DTNB: variants seen among roughly 807,000 people sequenced by gnomAD.
The protein encoded by DTNB is DTN-B.
Under a neutral mutation model 90.7 loss-of-function variants are expected in DTNB, and 63 were observed. That is an observed-to-expected ratio of 0.69 (90% CI 0.57 to 0.86). The LOEUF (loss-of-function observed/expected upper bound fraction) is 0.86. Among genes scored for constraint, DTNB ranks in the 40% least tolerant of loss-of-function variants. DTNB has a pLI of 0.00. For missense variants in DTNB, 744 were observed against 807.1 expected (o/e 0.92, Z 0.95); for synonymous variants, 277 against 286.7 (o/e 0.97, Z 0.34).
chr2:25,625,133 G>A (rs1444673391), intron 4 of DTNB, among the ~76,000 whole-genome samples: 7 of 152,178 alleles, frequency 4.6e-5, no homozygotes, highest in African/African-American at 1.4e-4. Flanking sequence ...TTGGAGGTGA[G>A]AGAAGATTAA....
chr2:25,603,407 C>A (rs879286625), intron 5 of DTNB, among the ~76,000 whole-genome samples: 2 of 152,148 alleles, frequency 1.3e-5, no homozygotes, highest in Non-Finnish European at 2.9e-5. Flanking sequence ...AAAGTTACCT[C>A]CGAATCTAGG....
chr2:25,575,409 C>T (rs1009020013), intron 8 of DTNB, among the ~76,000 whole-genome samples: 1 of 151,760 alleles, frequency 6.6e-6, no homozygotes, highest in African/African-American at 2.4e-5. Context: ...TTAAAAGTGG[C>T]TCTTCACAAC....
intron 20 of DTNB, among the ~76,000 whole-genome samples, chr2:25,378,674 A>G (rs1274563991): frequency 6.6e-6 from 1 of 152,182 alleles, no homozygotes; most frequent in Non-Finnish European, 1.5e-5. Flanking sequence ...GAGCTGGAAA[A>G]TGGGAATGAC....
intron 1 of DTNB, among the ~76,000 whole-genome samples, chr2:25,658,550 C>T (rs143101616): frequency 7.4e-4 from 112 of 152,250 alleles, no homozygotes; most frequent in African/African-American, 2.5e-3. Flanking sequence ...CATAAATAAA[C>T]TGCAATACTT....
At chr2:25,638,929 T>A (rs909443441) in intron 3 of DTNB, 85 bp downstream of exon 3, 16 of 1,306,662 alleles carry the variant, frequency 1.2e-5, no homozygotes, top group Non-Finnish European at 1.6e-5. Flanking sequence ...CAATTAACAT[T>A]ACAATACAAC....
chr2:25,432,206 TACACACACACACACACACACAC>T (rs60610400), intron 14 of DTNB, among the ~76,000 whole-genome samples: 4 of 146,320 alleles, frequency 2.7e-5, no homozygotes, highest in South Asian at 2.2e-4. Context: ...GAAGAGTGCG[TACACACACACACACACACACAC>T]ACACACACAC....
intron 3 of DTNB, 46 bp downstream of exon 3, chr2:25,638,968 T>G (rs765401852): frequency 1.4e-6 from 2 of 1,479,544 alleles, no homozygotes; most frequent in East Asian, 4.8e-5. Flanking sequence ...TTTCTAATAT[T>G]GAGAACTCTA....
chr2:25,433,109 T>C, intron 13 of DTNB, 110 bp from the exon 14 acceptor site: 1 of 1,074,296 alleles, frequency 9.3e-7, no homozygotes, highest in Non-Finnish European at 1.3e-6. Flanking sequence ...ACCAATCTTG[T>C]TTTGATTGCT....
chr2:25,451,643 G>C lies in DTNB; in HGVS notation c.1170-8C>G, dbSNP rs1459184761. Reference sequence around the variant, plus strand: ...CTAGGACTGTCCAGAACACTGCCAAGGAAATAAAAATGCAACAAGTGTCTA... The same window carrying C: ...CTAGGACTGTCCAGAACACTGCCAACGAAATAAAAATGCAACAAGTGTCTA... On this transcript the variant is annotated splice_region_variant and splice_polypyrimidine_tract_variant and intron_variant, in intron 11 of 20. Transcript: ENST00000406818. 1.3e-6 allele frequency: 2 copies of C among 1,570,266 alleles called. No homozygotes were observed.
intron 13 of DTNB, among the ~76,000 whole-genome samples, chr2:25,433,522 A>AT (rs560980051): frequency 3.4e-3 from 484 of 143,134 alleles, no homozygotes; most frequent in East Asian, 0.015. Context: ...AATGGCATTA[A>AT]TTTTTTTTTT....
At chr2:25,476,185 C>T (rs1188994492) in intron 10 of DTNB, among the ~76,000 whole-genome samples, 1 of 151,886 alleles carries the variant, frequency 6.6e-6, no homozygotes, top group African/African-American at 2.4e-5. Context: ...TCTCCTGCCT[C>T]AGCCTCCCAA....
intron 9 of DTNB, among the ~76,000 whole-genome samples, chr2:25,502,302 A>T (rs1239019885): frequency 6.6e-6 from 1 of 152,230 alleles, no homozygotes; most frequent in African/African-American, 2.4e-5. Flanking sequence ...CATCAGCAAA[A>T]CTGATTATAA....
At chr2:25,510,572 A>G (rs1367425472) in intron 9 of DTNB, among the ~76,000 whole-genome samples, 1 of 150,996 alleles carries the variant, frequency 6.6e-6, no homozygotes, top group African/African-American at 2.4e-5. Flanking sequence ...CAGTGATGCG[A>G]TCTCGGCTCA....
At chr2:25,672,057 A>T (rs1161590445) in intron 1 of DTNB, among the ~76,000 whole-genome samples, 1 of 152,088 alleles carries the variant, frequency 6.6e-6, no homozygotes, top group African/African-American at 2.4e-5. Context: ...GGATGATCTC[A>T]AGCAACAGGC....
chr2:25,443,644 G>A (rs1176156382), intron 12 of DTNB, among the ~76,000 whole-genome samples: 1 of 152,190 alleles, frequency 6.6e-6, no homozygotes, highest in East Asian at 1.9e-4. Flanking sequence ...TACCCAGAGG[G>A]CTGTGGATTG....
At chr2:25,432,203 GCGTA>G (rs2149948935) in intron 14 of DTNB, among the ~76,000 whole-genome samples, 2 of 100,692 alleles carry the variant, frequency 2.0e-5, no homozygotes, top group East Asian at 7.4e-4. Flanking sequence ...ACAGAAGAGT[GCGTA>G]CACACACACA....
intron 12 of DTNB, among the ~76,000 whole-genome samples, chr2:25,450,967 G>T (rs777277217): frequency 6.6e-6 from 1 of 152,008 alleles, no homozygotes; most frequent in Non-Finnish European, 1.5e-5. Flanking sequence ...ACCACACCTG[G>T]CTAATTTTTG....
chr2:25,584,013 C>T (rs896948718), intron 6 of DTNB, among the ~76,000 whole-genome samples: 1 of 152,128 alleles, frequency 6.6e-6, no homozygotes, highest in Non-Finnish European at 1.5e-5. Context: ...CCACCAACCA[C>T]GTGATCTGGA....
intron 12 of DTNB, 131 bp from the exon 13 acceptor site, chr2:25,434,126 A>G: frequency 1.4e-6 from 1 of 739,290 alleles, no homozygotes; most frequent in Non-Finnish European, 2.2e-6. Context: ...CGTTTTAAGT[A>G]TACAATTCAA....
Sources: allele counts gnomAD v4.1 joint callset (sites outside exome capture counted in the v4.1 genomes callset), GRCh38; gene constraint gnomAD v4.1.1; transcripts MANE v1.5; gene names NCBI Gene and HGNC (gene_info 2026-07-23, HGNC 2026-07-21).